The following NCAM2 variants were observed in gnomAD, a reference collection of about 807,000 sequenced individuals.
NCAM2 encodes the protein neural cell adhesion molecule 2.
A neutral mutation model predicts 98.1 loss-of-function variants in NCAM2; 30 were observed. The observed-to-expected ratio is 0.31, with a 90% CI of 0.23 to 0.41. NCAM2 has a LOEUF of 0.41. Ranked by LOEUF, NCAM2 falls within the 10% of genes least tolerant of loss-of-function variation. NCAM2 has a pLI of 1.00. For missense variants in NCAM2, 867 were observed against 1,005.8 expected (o/e 0.86, Z 1.87); for synonymous variants, 368 against 342.4 (o/e 1.07, Z -0.83).
chr21:21,180,937 A>G (rs2068448643), intron 1 of NCAM2, among the ~76,000 whole-genome samples: 1 of 152,174 alleles, frequency 6.6e-6, no homozygotes, highest in African/African-American at 2.4e-5. Flanking sequence ...TGTGGTATGT[A>G]GCACATGTAT....
chr21:21,159,314 A>G (rs1176309183), intron 1 of NCAM2, among the ~76,000 whole-genome samples: 1 of 152,162 alleles, frequency 6.6e-6, no homozygotes, highest in Admixed American at 6.5e-5. Flanking sequence ...GTTTAAATAA[A>G]TTTAGTGTAG....
chr21:21,076,567 A>G (rs746891513), intron 1 of NCAM2, among the ~76,000 whole-genome samples: 1 of 152,118 alleles, frequency 6.6e-6, no homozygotes, highest in Non-Finnish European at 1.5e-5. Context: ...TTGTTTTAAA[A>G]CTGGGTCAGT....
intron 1 of NCAM2, among the ~76,000 whole-genome samples, chr21:21,171,858 G>A (rs545498747): frequency 8.2e-4 from 124 of 151,746 alleles, no homozygotes; most frequent in African/African-American, 2.8e-3. Flanking sequence ...TTTTTTTTTC[G>A]CTTGGTAGGT....
rs549346248 is a variant in NCAM2 at position 21,254,761 on chromosome 21, T to TA, written c.56-25816dup. Among the ~76,000 whole-genome samples the TA allele has an allele frequency of 6.6e-5, 10 of 151,982 alleles. No individual in the cohort carries two copies. The East Asian group carries it at 1.5e-3, about 24-fold the overall frequency. On this transcript the variant is annotated intron_variant, in intron 1 of 17. Transcript: ENST00000400546. ...ATGCATGAAGTATGTGTAGGGGTGT[T>TA]AGAATAAGAAGATCACCTCGGCGAT...
intron 1 of NCAM2, among the ~76,000 whole-genome samples, chr21:21,250,841 G>A (rs780563617): frequency 6.6e-6 from 1 of 152,188 alleles, no homozygotes; most frequent in African/African-American, 2.4e-5. Flanking sequence ...TGTAGAATAA[G>A]TATTTAACGA....
At chr21:21,084,771 G>GTA (rs2065875800) in intron 1 of NCAM2, among the ~76,000 whole-genome samples, 1 of 152,070 alleles carries the variant, frequency 6.6e-6, no homozygotes, top group South Asian at 2.1e-4. Flanking sequence ...GTCTTGTAAG[G>GTA]CACTGATAAT....
chr21:21,329,436 T>C (rs909647495), intron 6 of NCAM2, among the ~76,000 whole-genome samples: 3 of 152,278 alleles, frequency 2.0e-5, no homozygotes, highest in East Asian at 1.9e-4. Context: ...ATATACCATC[T>C]TGGTTTGTGT....
rs539668360 is a variant in NCAM2 at position 21,502,997 on chromosome 21, C to T, written c.2078-5854C>T. 2.3e-3 allele frequency among the ~76,000 whole-genome samples: 352 copies of T among 152,016 alleles called. 1 individual carries two copies. The highest frequency in any genetic ancestry group is 4.3e-3 in the Non-Finnish European group (293 of 67,860). Reference sequence around the variant, plus strand: ...GGCTAGTTTTATGAATCTAATAGTGCAGTGGTTTTTGAAAAGCTAGTATTA... The same window carrying T: ...GGCTAGTTTTATGAATCTAATAGTGTAGTGGTTTTTGAAAAGCTAGTATTA... On this transcript the variant is annotated intron_variant, in intron 15 of 17. Coordinates refer to ENST00000400546, the MANE Select transcript of NCAM2 (RefSeq NM_004540.5).
intron 1 of NCAM2, among the ~76,000 whole-genome samples, chr21:21,083,540 A>G (rs543680479): frequency 1.3e-5 from 2 of 151,928 alleles, no homozygotes; most frequent in South Asian, 4.2e-4. Context: ...CAGCCTCCCA[A>G]GTAGCTGGGA....
intron 1 of NCAM2, among the ~76,000 whole-genome samples, chr21:21,175,402 A>G (rs2068250485): frequency 6.6e-6 from 1 of 152,050 alleles, no homozygotes; most frequent in Admixed American, 6.6e-5. Context: ...GCATGGTGGC[A>G]TGCACCTGTC....
intron 1 of NCAM2, among the ~76,000 whole-genome samples, chr21:21,118,572 C>G (rs2066610315): frequency 6.6e-6 from 1 of 152,154 alleles, no homozygotes; most frequent in Non-Finnish European, 1.5e-5. Context: ...GATCAGCAGC[C>G]ATGTTAATTA....
At chr21:21,202,533 C>T (rs2069274349) in intron 1 of NCAM2, among the ~76,000 whole-genome samples, 1 of 149,738 alleles carries the variant, frequency 6.7e-6, no homozygotes, top group African/African-American at 2.5e-5. Flanking sequence ...TCTCCTGCCT[C>T]AGCCTCCCAA....
At chr21:21,051,029 G>A (rs1182870131) in intron 1 of NCAM2, among the ~76,000 whole-genome samples, 1 of 152,176 alleles carries the variant, frequency 6.6e-6, no homozygotes, top group African/African-American at 2.4e-5. Context: ...GGTGTCCACC[G>A]TGATATGTGG....
chr21:21,079,082 A>G (rs1439568541), intron 1 of NCAM2, among the ~76,000 whole-genome samples: 1 of 152,160 alleles, frequency 6.6e-6, no homozygotes, highest in Non-Finnish European at 1.5e-5. Flanking sequence ...TAGCTAATAC[A>G]TGCAGGGCTT....
rs560177402 is a variant in NCAM2, at chr21:21,258,449, G to T, written c.56-22129G>T. On this transcript the variant is annotated intron_variant, in intron 1 of 17. Transcript: ENST00000400546. ...AAAAAAACAAAAGCAGAGAGAGTCT[G>T]GTAGAGATTGACTCCTGAGGTAATC... is the stretch of plus-strand genomic sequence containing the variant. Among the ~76,000 whole-genome samples the T allele has an allele frequency of 1.2e-4, 19 of 152,224 alleles. No homozygotes were observed. The East Asian group carries it at 3.5e-3, about 28-fold the overall frequency.
intron 12 of NCAM2, among the ~76,000 whole-genome samples, chr21:21,446,587 A>G (rs1416127648): frequency 6.6e-6 from 1 of 152,098 alleles, no homozygotes; most frequent in Admixed American, 6.6e-5. Context: ...AGAGTATTCA[A>G]ATAGGAAGAG....
chr21:21,455,210 CAAAA>C (rs5842926), intron 12 of NCAM2, among the ~76,000 whole-genome samples: 7 of 95,440 alleles, frequency 7.3e-5, no homozygotes, highest in East Asian at 7.7e-4. Context: ...AACCTATTGG[CAAAA>C]AAAAAAAAAA....
intron 1 of NCAM2, among the ~76,000 whole-genome samples, chr21:21,133,921 C>T (rs1329768404): frequency 1.3e-5 from 2 of 152,130 alleles, no homozygotes; most frequent in Non-Finnish European, 2.9e-5. Context: ...GCTGAAGTAA[C>T]ACTGGGTAGA....
chr21:21,442,440 A>C (rs1007471770), intron 12 of NCAM2, among the ~76,000 whole-genome samples: 1 of 152,198 alleles, frequency 6.6e-6, no homozygotes, highest in African/African-American at 2.4e-5. Context: ...AATCTCAACT[A>C]AAAGTTGCCA....
Sources: gnomAD v4.1 joint callset for allele counts (sites outside exome capture counted in the v4.1 genomes callset) on GRCh38, gnomAD v4.1.1 for gene constraint, MANE v1.5 for transcripts, NCBI Gene and HGNC (gene_info 2026-07-23, HGNC 2026-07-21) for gene names.